Variants in MOGAT1 observed in about 807,000 individuals in gnomAD.
MOGAT1 encodes 2-acylglycerol O-acyltransferase 1.
A neutral mutation model predicts 31.4 loss-of-function variants in MOGAT1; 32 were observed. That is an observed-to-expected ratio of 1.02 (90% confidence interval 0.77 to 1.37). The LOEUF (loss-of-function observed/expected upper bound fraction) is 1.37. MOGAT1 is among the 40% of genes most tolerant of loss of function. The probability of loss-of-function intolerance (pLI) is 0.00; values close to 1 mark genes in which losing one functional copy is unlikely to be tolerated. For missense variants in MOGAT1, 426 were observed against 402.0 expected (o/e 1.06, Z -0.51); for synonymous variants, 145 against 144.5 (o/e 1.00, Z -0.03).
chr2:222,677,908 C>A, intron 1 of MOGAT1: 1 of 264,414 alleles, frequency 3.8e-6, no homozygotes, highest in Non-Finnish European at 7.9e-6. Flanking sequence ...TGCTTTATTG[C>A]CAAATAAAAT....
chr2:222,676,864 A>G (rs1692505923), intron 1 of MOGAT1, among the ~76,000 whole-genome samples: 1 of 152,224 alleles, frequency 6.6e-6, no homozygotes, highest in Non-Finnish European at 1.5e-5. Context: ...TTTTGTACAC[A>G]TTCAATAAAG....
intron 4 of MOGAT1, 109 bp downstream of exon 4, chr2:222,694,645 G>C: frequency 1.9e-6 from 2 of 1,049,628 alleles, no homozygotes; most frequent in Non-Finnish European, 2.7e-6. Context: ...CCTCCAAATC[G>C]ATCTGACAGT....
In MOGAT1 at chr2:222,690,181, G is replaced by A. The variant is rs186973067; in HGVS notation, c.478+712G>A. Reference sequence around the variant, plus strand: ...GAGGTGGAAGGATCACCTGAGCTTGGGAGGTCAAGGCTGCAGTGACCGGAG... The same window carrying A: ...GAGGTGGAAGGATCACCTGAGCTTGAGAGGTCAAGGCTGCAGTGACCGGAG... On this transcript the variant is annotated intron_variant, in intron 3 of 5. Coordinates refer to ENST00000446656, the MANE Select transcript of MOGAT1 (RefSeq NM_058165.3). Among the ~76,000 whole-genome samples, 229 of 152,308 alleles carry A rather than the reference G, an allele frequency of 1.5e-3. 1 individual carries two copies. The highest frequency in any genetic ancestry group is 0.013 in the Admixed American group (199 of 15,292).
Position 222,671,935 on chromosome 2 carries a change from C to T in MOGAT1, c.94+56C>T, listed in dbSNP as rs181551473. 1.7e-5 allele frequency: 24 copies of T among 1,398,448 alleles called. No individual in the cohort carries two copies. In the South Asian group the frequency reaches 2.7e-4, roughly 16 times the overall value. 86.6% of individuals were successfully genotyped at this position (1,398,448 alleles called of 1,614,324 possible). On this transcript the variant is annotated intron_variant, in intron 1 of 5. Coordinates refer to ENST00000446656, the MANE Select transcript of MOGAT1 (RefSeq NM_058165.3). ...TTGGGCTCCATATCCTCCCTCGGGA[C>T]GGTCCGGATTCCAGGACCTGCATAG...
At chr2:222,674,334 T>C (rs564682513) in intron 1 of MOGAT1, among the ~76,000 whole-genome samples, 3 of 152,346 alleles carry the variant, frequency 2.0e-5, no homozygotes, top group South Asian at 2.1e-4. Flanking sequence ...ATACAGAAAC[T>C]AGAGAGAAGA....
chr2:222,677,722 G>A (rs1036449334), intron 1 of MOGAT1: 3 of 413,590 alleles, frequency 7.3e-6, no homozygotes, highest in Non-Finnish European at 1.5e-5. Context: ...TTTCCGTGTC[G>A]ATTCTGGTGA....
Position 222,671,896 on chromosome 2 carries a change from C to G in MOGAT1, c.94+17C>G, listed in dbSNP as rs1376942193. 1.9e-6 allele frequency: 3 copies of G among 1,546,760 alleles called. No homozygotes were observed. Among genetic ancestry groups the G allele is most frequent in the African/African-American group, 1.4e-5 (1 of 72,970 alleles). On this transcript the variant is annotated intron_variant, in intron 1 of 5. Coordinates refer to ENST00000446656, the MANE Select transcript of MOGAT1 (RefSeq NM_058165.3). ...TGCTGCTCGGTAAGGACCCCGCCCC[C>G]CGGGCCGCGGGGCTTGGGCTCCATA...
intron 1 of MOGAT1, among the ~76,000 whole-genome samples, chr2:222,686,041 T>C (rs544880151): frequency 6.6e-6 from 1 of 152,348 alleles, no homozygotes; most frequent in Admixed American, 6.5e-5. Flanking sequence ...TGGCTCACTC[T>C]ATGATTAAAA....
At position 222,709,763 on chromosome 2, in the gene MOGAT1, C is replaced by T; in HGVS notation, c.881C>T (p.Thr294Ile). 6.2e-7 allele frequency: 1 copy of T among 1,613,362 alleles called. No homozygotes were observed. Among genetic ancestry groups the T allele is most frequent in the South Asian group, 1.1e-5 (1 of 91,016 alleles). ...GGCCGCCCGATCCCTGTTCGTCAGA[C>T]TCTGAACCCGACCCAGGAGCAGATT... ...VVGRPIPVRQTLNPTQEQIEE... is the reference protein window; with the variant it reads ...VVGRPIPVRQILNPTQEQIEE... The change falls in exon 6 of 6, where the codon ACT becomes ATT. Residue 294 changes from threonine (T) to isoleucine (I), a missense_variant. Thr to Ile is a moderately conservative substitution (Grantham distance 89). Transcript: ENST00000446656.
chr2:222,701,109 C>T (rs1192306688), intron 5 of MOGAT1, among the ~76,000 whole-genome samples: 1 of 152,116 alleles, frequency 6.6e-6, no homozygotes, highest in Non-Finnish European at 1.5e-5. Context: ...TAATAGTTTC[C>T]CGTGGCTGGC....
chr2:222,688,594 ATC>A, intron 2 of MOGAT1, 72 bp downstream of exon 2: 1 of 1,078,154 alleles, frequency 9.3e-7, no homozygotes. Context: ...CATCACATAT[ATC>A]TCAAGCTTCT....
At chr2:222,695,965 C>G (rs1198472265) in intron 5 of MOGAT1, among the ~76,000 whole-genome samples, 1 of 152,148 alleles carries the variant, frequency 6.6e-6, no homozygotes, top group Non-Finnish European at 1.5e-5. Context: ...ATTCTTAATG[C>G]CTTTGTGTCC....
rs185601016 is a variant in MOGAT1, at chr2:222,705,202, C to T, written c.854-4534C>T. 4.4e-3 allele frequency among the ~76,000 whole-genome samples: 665 copies of T among 152,266 alleles called. 7 individuals carry two copies. Among genetic ancestry groups the T allele is most frequent in the African/African-American group, 0.014 (590 of 41,548 alleles). On this transcript the variant is annotated intron_variant, in intron 5 of 5. Transcript: ENST00000446656. ...GCAGTGAGGATGACCAGAGGTCATA[C>T]GTTGCCATCTTGGTTTTGGTGGGTT...
chr2:222,688,726 T>A (rs545349118), intron 2 of MOGAT1, among the ~76,000 whole-genome samples: 1 of 152,282 alleles, frequency 6.6e-6, no homozygotes, highest in South Asian at 2.1e-4. Context: ...TCTGGCAAGA[T>A]ACCAAAGATG....
In MOGAT1 at chr2:222,709,907, A is replaced by T; in HGVS notation, c.*17A>T. The T allele has an allele frequency of 6.5e-7, 1 of 1,541,324 alleles. No individual in the cohort carries two copies. The highest frequency in any genetic ancestry group is 2.4e-5 in the East Asian group (1 of 41,480). On this transcript the variant is annotated 3_prime_UTR_variant, in exon 6 of 6. Coordinates refer to ENST00000446656, the MANE Select transcript of MOGAT1 (RefSeq NM_058165.3). ...TTAAAATGACTTGACTATAAAAAAA[A>T]ATTAAAAAATAAAAATAAATGACTT...
chr2:222,674,120 C>T (rs147791638), intron 1 of MOGAT1, among the ~76,000 whole-genome samples: 1 of 152,256 alleles, frequency 6.6e-6, no homozygotes, highest in Non-Finnish European at 1.5e-5. Flanking sequence ...AGTGGAAAGT[C>T]GAGACACATG....
chr2:222,693,118 ACTGT>A (rs1692786729), intron 3 of MOGAT1, among the ~76,000 whole-genome samples: 1 of 152,230 alleles, frequency 6.6e-6, no homozygotes, highest in African/African-American at 2.4e-5. Context: ...CTTTATAAAG[ACTGT>A]CTAACACTTT....
intron 1 of MOGAT1, among the ~76,000 whole-genome samples, chr2:222,672,595 C>T (rs1692436264): frequency 1.3e-5 from 2 of 152,054 alleles, no homozygotes; most frequent in Non-Finnish European, 2.9e-5. Flanking sequence ...TTGTTCTGCT[C>T]TTGAAGTAAA....
chr2:222,694,534 T>C lies in MOGAT1; in HGVS notation c.651T>C (p.His217=). Residue 217 remains histidine, a splice_region_variant and synonymous_variant, in exon 4 of 6, where the codon CAT becomes CAC. Transcript: ENST00000446656. ...RKGFVKIALT[H]GASLVPVVSF... The stretch of plus-strand genomic sequence containing the variant: ...GATTTGTTAAAATTGCTTTGACCCA[T>C]GGGTAAGTGGCTTTTTGTATAAAGT... 1 of 1,612,480 alleles carries C rather than the reference T, an allele frequency of 6.2e-7. No individual in the cohort carries two copies. The highest frequency in any genetic ancestry group is 8.5e-7 in the Non-Finnish European group (1 of 1,179,382).
Sources: gnomAD v4.1 joint callset for allele counts (sites outside exome capture counted in the v4.1 genomes callset) on GRCh38, gnomAD v4.1.1 for gene constraint, MANE v1.5 for transcripts, NCBI Gene and HGNC (gene_info 2026-07-23, HGNC 2026-07-21) for gene names.